AHCYL2: variants seen among roughly 807,000 people sequenced by gnomAD.
AHCYL2 encodes S-adenosylhomocysteine hydrolase-like protein 2.
A neutral mutation model predicts 81.4 loss-of-function variants in AHCYL2; 28 were observed. That is an observed-to-expected ratio of 0.34 (90% CI 0.25 to 0.47). The LOEUF is 0.47. Among genes scored for constraint, AHCYL2 ranks in the 20% least tolerant of loss-of-function variants. The probability of loss-of-function intolerance (pLI) is 1.00; values close to 1 mark genes in which losing one functional copy is unlikely to be tolerated. For missense variants in AHCYL2, 551 were observed against 785.1 expected, an observed-to-expected ratio of 0.70 and a Z score of 3.56; for synonymous variants, 272 against 290.2, an observed-to-expected ratio of 0.94 and a Z score of 0.64.
chr7:129,270,971 A>G (rs2150728180), intron 1 of AHCYL2, among the ~76,000 whole-genome samples: 1 of 152,318 alleles, frequency 6.6e-6, no homozygotes, highest in East Asian at 1.9e-4. Flanking sequence ...AATCTGCAAC[A>G]GTCCTACGGC....
intron 1 of AHCYL2, among the ~76,000 whole-genome samples, chr7:129,309,722 A>G (rs554374751): frequency 9.7e-4 from 148 of 152,200 alleles, no homozygotes; most frequent in Non-Finnish European, 3.4e-4. Context: ...AGTGCTATAA[A>G]GTTATGGAAT....
chr7:129,413,332 G>T (rs913380256), intron 11 of AHCYL2, among the ~76,000 whole-genome samples: 1 of 151,814 alleles, frequency 6.6e-6, no homozygotes, highest in Admixed American at 6.6e-5. Flanking sequence ...TAGTAGAGAT[G>T]GGGTTTCACC....
At chr7:129,331,103 A>G (rs1798402186) in intron 1 of AHCYL2, among the ~76,000 whole-genome samples, 2 of 152,234 alleles carry the variant, frequency 1.3e-5, no homozygotes. Flanking sequence ...TGGGTTTTCT[A>G]TTAGAATCCT....
chr7:129,257,683 T>TTTG (rs1184348096), intron 1 of AHCYL2, among the ~76,000 whole-genome samples: 3 of 152,198 alleles, frequency 2.0e-5, no homozygotes, highest in African/African-American at 7.2e-5. Context: ...GGGTCATTCA[T>TTTG]TTCAGTGTAT....
At chr7:129,309,663 T>G (rs902113568) in intron 1 of AHCYL2, among the ~76,000 whole-genome samples, 3 of 152,240 alleles carry the variant, frequency 2.0e-5, no homozygotes, top group African/African-American at 7.2e-5. Flanking sequence ...CATTCCTGGA[T>G]CAATTTTACA....
chr7:129,319,357 A>G (rs1462555083), intron 1 of AHCYL2, among the ~76,000 whole-genome samples: 2 of 152,000 alleles, frequency 1.3e-5, no homozygotes, highest in Admixed American at 6.6e-5. Flanking sequence ...TAGGAGGCTC[A>G]GGCAATCCCT....
intron 1 of AHCYL2, among the ~76,000 whole-genome samples, chr7:129,257,546 A>G (rs1445461574): frequency 6.6e-6 from 1 of 152,182 alleles, no homozygotes; most frequent in Non-Finnish European, 1.5e-5. Flanking sequence ...TACTGGTGGA[A>G]GTATGGACTG....
intron 1 of AHCYL2, among the ~76,000 whole-genome samples, chr7:129,374,694 C>G (rs1794587038): frequency 6.6e-6 from 1 of 151,520 alleles, no homozygotes; most frequent in Admixed American, 6.6e-5. Context: ...GTAATCCCAG[C>G]TACTTGGGAG....
intron 7 of AHCYL2, among the ~76,000 whole-genome samples, chr7:129,404,748 G>C (rs1387694619): frequency 6.6e-6 from 1 of 152,162 alleles, no homozygotes; most frequent in African/African-American, 2.4e-5. Flanking sequence ...CTGGCAGGCA[G>C]GGAGACCAGT....
At chr7:129,346,543 A>G (rs1182177126) in intron 1 of AHCYL2, among the ~76,000 whole-genome samples, 1 of 152,204 alleles carries the variant, frequency 6.6e-6, no homozygotes, top group Non-Finnish European at 1.5e-5. Flanking sequence ...GCTCAACATC[A>G]TATGTCATTA....
chr7:129,235,417 ATTC>A (rs35487046), intron 1 of AHCYL2, among the ~76,000 whole-genome samples: 49,392 of 150,512 alleles, frequency 0.33, 9,119 homozygotes, highest in Non-Finnish European at 0.42. Flanking sequence ...CCTCCTTCTC[ATTC>A]TTCTTCTTCT....
intron 1 of AHCYL2, among the ~76,000 whole-genome samples, chr7:129,277,611 A>G (rs543341961): frequency 1.3e-5 from 2 of 152,136 alleles, no homozygotes; most frequent in South Asian, 4.1e-4. Context: ...TTTCATCCCT[A>G]GGCAATCACT....
intron 1 of AHCYL2, among the ~76,000 whole-genome samples, chr7:129,342,350 C>T (rs1289386385): frequency 6.6e-6 from 1 of 152,012 alleles, no homozygotes; most frequent in Non-Finnish European, 1.5e-5. Context: ...CAGTTTTGAT[C>T]CTAAGTGACC....
rs544987976 is a variant in AHCYL2 at position 129,374,525 on chromosome 7, C to A, written c.364-5113C>A. ...TCCTTAAAAAAAAAAAAAAATCTGC[C>A]GGCTGGGTACAGTGGCTCATGCCTG... On this transcript the variant is annotated intron_variant, in intron 1 of 16. Coordinates refer to ENST00000325006, the MANE Select transcript of AHCYL2 (RefSeq NM_015328.4). 7.3e-5 allele frequency among the ~76,000 whole-genome samples: 11 copies of A among 151,640 alleles called. No individual in the cohort carries two copies. In the East Asian group the frequency reaches 7.7e-4, roughly 11 times the overall value.
intron 1 of AHCYL2, among the ~76,000 whole-genome samples, chr7:129,334,463 T>C (rs182011639): frequency 2.6e-5 from 4 of 152,324 alleles, no homozygotes; most frequent in African/African-American, 9.6e-5. Flanking sequence ...TTGTTAGACA[T>C]GCAGATCTTT....
intron 1 of AHCYL2, among the ~76,000 whole-genome samples, chr7:129,370,590 C>T (rs1220005339): frequency 2.0e-5 from 3 of 152,140 alleles, no homozygotes; most frequent in African/African-American, 2.4e-5. Context: ...CCCAGCTACT[C>T]TGGAGGCTGA....
chr7:129,403,860 CAAAAA>C (rs34806455), intron 7 of AHCYL2, among the ~76,000 whole-genome samples: 8 of 80,212 alleles, frequency 1.0e-4, no homozygotes, highest in African/African-American at 2.0e-4. Flanking sequence ...GACTCCATCT[CAAAAA>C]AAAAAAAAAA....
In AHCYL2 at chr7:129,425,076, T is replaced by A; in HGVS notation, c.1643T>A (p.Ile548Lys). 2 of 1,613,824 alleles carry A rather than the reference T, an allele frequency of 1.2e-6. No individual in the cohort carries two copies. The highest frequency in any genetic ancestry group is 8.5e-7 in the Non-Finnish European group (1 of 1,179,952). ...CTGCTTTTCTAGGCTCTTGCCTTGATAGAGCTTTACAATGCTCCTGAGGGT... is the reference window on the plus strand; with the variant it reads ...CTGCTTTTCTAGGCTCTTGCCTTGAAAGAGCTTTACAATGCTCCTGAGGGT... ...ITATTQALAL[I>K]ELYNAPEGRY... The change falls in exon 15 of 17, where the codon ATA (isoleucine) becomes AAA (lysine). Residue 548 changes from isoleucine to lysine, a missense_variant. Transcript: ENST00000325006.
At chr7:129,390,848 A>G (rs1018506277) in intron 4 of AHCYL2, among the ~76,000 whole-genome samples, 1 of 152,194 alleles carries the variant, frequency 6.6e-6, no homozygotes, top group Non-Finnish European at 1.5e-5. Context: ...TGCTTACACC[A>G]GTGATTCCTA....
Sources: allele counts gnomAD v4.1 joint callset (sites outside exome capture counted in the v4.1 genomes callset), GRCh38; gene constraint gnomAD v4.1.1; transcripts MANE v1.5; gene names NCBI Gene and HGNC (gene_info 2026-07-23, HGNC 2026-07-21).